ROBO2: variants seen among roughly 807,000 people sequenced by gnomAD.
ROBO2 encodes roundabout guidance receptor 2.
ROBO2 carries 53 observed loss-of-function variants against 160.8 expected under a neutral mutation model. The ratio of observed to expected loss-of-function variants is 0.33; its 90% CI spans 0.26 to 0.41. The LOEUF is 0.41. ROBO2 is among the 10% of genes least tolerant of loss of function. The pLI is 1.00. For synonymous variants in ROBO2, 664 were observed against 611.7 expected (o/e 1.09, Z -1.26); for missense variants, 1,577 against 1,722.4 (o/e 0.92, Z 1.49).
chr3:76,436,203 A>C lies in ROBO2; in HGVS notation c.109+498601A>C, dbSNP rs973392499. 6.6e-4 allele frequency among the ~76,000 whole-genome samples: 47 copies of C among 70,690 alleles called. 1 individual carries two copies. Among genetic ancestry groups the C allele is most frequent in the Admixed American group, 5.3e-3 (34 of 6,370 alleles). The allele number at this position is 70,690 out of a possible 152,430, so 46.4% of individuals were successfully genotyped here. A position where few individuals can be genotyped will look rare whatever the true frequency, so the allele number is the denominator to read the frequency against. On this transcript the variant is annotated intron_variant, in intron 2 of 26. Coordinates refer to the ROBO2 transcript ENST00000487694. Reference sequence around the variant, plus strand: ...ACACCATTTCTTTTTCTTTTTTTTTATTTTTTTATTATTATACTTTAAGTT... The same window carrying C: ...ACACCATTTCTTTTTCTTTTTTTTTCTTTTTTTATTATTATACTTTAAGTT...
intron 2 of ROBO2, among the ~76,000 whole-genome samples, chr3:76,577,743 AT>A (rs1350454370): frequency 6.6e-6 from 1 of 152,162 alleles, no homozygotes; most frequent in African/African-American, 2.4e-5. Flanking sequence ...ACTAGCATTT[AT>A]TTGGGTAATC....
chr3:76,457,621 C>G (rs6793007), intron 2 of ROBO2, among the ~76,000 whole-genome samples: 2 of 152,168 alleles, frequency 1.3e-5, no homozygotes, highest in African/African-American at 4.8e-5. Flanking sequence ...CTGTAGAGAC[C>G]GTGTGGGGGC....
At chr3:76,010,536 T>A (rs2066164055) in intron 2 of ROBO2, among the ~76,000 whole-genome samples, 1 of 152,258 alleles carries the variant, frequency 6.6e-6, no homozygotes, top group African/African-American at 2.4e-5. Flanking sequence ...TAGTTGGCCC[T>A]ACTAGGCTGA....
chr3:77,579,690 T>A (rs1032307017), intron 15 of ROBO2, among the ~76,000 whole-genome samples: 41 of 152,182 alleles, frequency 2.7e-4, no homozygotes, highest in African/African-American at 9.6e-4. Context: ...GTGCTGAGAA[T>A]AAGATATAAA....
intron 2 of ROBO2, among the ~76,000 whole-genome samples, chr3:76,055,616 G>T (rs929125720): frequency 6.6e-6 from 1 of 152,022 alleles, no homozygotes; most frequent in Non-Finnish European, 1.5e-5. Flanking sequence ...TTCTGGGTTT[G>T]TTCACTTAGG....
At chr3:76,921,889 C>A (rs1577499865) in intron 2 of ROBO2, among the ~76,000 whole-genome samples, 1 of 152,080 alleles carries the variant, frequency 6.6e-6, no homozygotes, top group Non-Finnish European at 1.5e-5. Flanking sequence ...GCATTTTTGT[C>A]TTAAAATGCA....
chr3:76,004,582 T>C (rs1410097947), intron 2 of ROBO2, among the ~76,000 whole-genome samples: 1 of 152,208 alleles, frequency 6.6e-6, no homozygotes, highest in Non-Finnish European at 1.5e-5. Flanking sequence ...GCTGTCATTT[T>C]TTGTCTCCTC....
chr3:76,154,794 G>C (rs763735776), intron 2 of ROBO2, among the ~76,000 whole-genome samples: 3 of 152,034 alleles, frequency 2.0e-5, no homozygotes, highest in Non-Finnish European at 4.4e-5. Flanking sequence ...AAAACAAATA[G>C]ACATATTTTC....
intron 2 of ROBO2, among the ~76,000 whole-genome samples, chr3:77,335,723 A>G (rs1363533768): frequency 6.6e-6 from 1 of 152,216 alleles, no homozygotes; most frequent in East Asian, 1.9e-4. Context: ...GTAGCCATCA[A>G]GAAAAAGGAA....
At chr3:76,089,586 ATAATAT>A (rs1398296440) in intron 2 of ROBO2, among the ~76,000 whole-genome samples, 1 of 152,132 alleles carries the variant, frequency 6.6e-6, no homozygotes, top group Non-Finnish European at 1.5e-5. Flanking sequence ...AAATTACATG[ATAATAT>A]TAATATCTGA....
chr3:77,324,837 A>G (rs571768261), intron 2 of ROBO2, among the ~76,000 whole-genome samples: 3 of 151,728 alleles, frequency 2.0e-5, no homozygotes, highest in Non-Finnish European at 2.9e-5. Flanking sequence ...GCAAAAATGA[A>G]TTTTTAAACT....
chr3:77,005,932 T>G (rs919788872), intron 2 of ROBO2, among the ~76,000 whole-genome samples: 1 of 152,182 alleles, frequency 6.6e-6, no homozygotes, highest in East Asian at 1.9e-4. Context: ...TTTTAATGAG[T>G]CAATTATTAG....
chr3:77,278,795 A>T (rs1276062012), intron 2 of ROBO2, among the ~76,000 whole-genome samples: 1 of 152,082 alleles, frequency 6.6e-6, no homozygotes, highest in South Asian at 2.1e-4. Context: ...AGTTGTGGAG[A>T]TAGTAGCAAT....
chr3:76,088,342 T>C (rs1289069254), intron 2 of ROBO2, among the ~76,000 whole-genome samples: 2 of 152,048 alleles, frequency 1.3e-5, no homozygotes, highest in Non-Finnish European at 2.9e-5. Flanking sequence ...GGTAAGGACA[T>C]AGATGTACAG....
chr3:75,911,307 G>C (rs1294973614), intron 1 of ROBO2, among the ~76,000 whole-genome samples: 3 of 152,066 alleles, frequency 2.0e-5, no homozygotes, highest in Admixed American at 1.3e-4. Flanking sequence ...GATTAAAATG[G>C]TATCTTGTTA....
At chr3:76,213,916 A>T (rs1703319850) in intron 2 of ROBO2, among the ~76,000 whole-genome samples, 1 of 152,154 alleles carries the variant, frequency 6.6e-6, no homozygotes, top group South Asian at 2.1e-4. Flanking sequence ...TACAGTATAG[A>T]TAGATAGATT....
chr3:76,753,356 A>G (rs907596473), intron 2 of ROBO2, among the ~76,000 whole-genome samples: 1 of 151,898 alleles, frequency 6.6e-6, no homozygotes, highest in East Asian at 1.9e-4. Flanking sequence ...TTTTAAACAT[A>G]TATAATGTTT....
intron 2 of ROBO2, among the ~76,000 whole-genome samples, chr3:77,297,793 G>T (rs192854740): frequency 6.6e-6 from 1 of 152,174 alleles, no homozygotes; most frequent in East Asian, 1.9e-4. Context: ...GACAAACAAA[G>T]GAAGTAAAGG....
intron 2 of ROBO2, among the ~76,000 whole-genome samples, chr3:76,154,213 T>C (rs2072317840): frequency 6.6e-6 from 1 of 152,268 alleles, no homozygotes; most frequent in South Asian, 2.1e-4. Context: ...AGAAAAAGAA[T>C]GTGATTCAAG....
Sources: gnomAD v4.1 joint callset for allele counts (sites outside exome capture counted in the v4.1 genomes callset) on GRCh38, gnomAD v4.1.1 for gene constraint, MANE v1.5 for transcripts, NCBI Gene and HGNC (gene_info 2026-07-23, HGNC 2026-07-21) for gene names.